Variants in MYOM1 observed in about 807,000 individuals in gnomAD.
MYOM1 encodes the protein myomesin-1.
In MYOM1, 164 loss-of-function variants were observed where a neutral mutation model predicts 205.3. The observed-to-expected ratio is 0.80, with a 90% CI of 0.70 to 0.91. The LOEUF is 0.91. Ranked by LOEUF, MYOM1 falls within the 40% of genes least tolerant of loss-of-function variation. The pLI is 0.00. For missense variants in MYOM1, 2,011 were observed against 2,127.3 expected (o/e 0.95, Z 1.08); for synonymous variants, 772 against 789.4 (o/e 0.98, Z 0.37).
chr18:3,114,545 T>A (rs2079576063), intron 21 of MYOM1, among the ~76,000 whole-genome samples: 1 of 6,476 alleles, frequency 1.5e-4, no homozygotes, highest in African/African-American at 3.0e-4. Context: ...GGTCAGCTAA[T>A]TTTTTTTTTT....
In MYOM1 at chr18:3,129,460, C is replaced by G; in HGVS notation, c.2566G>C (p.Ala856Pro). The G allele has an allele frequency of 6.2e-7, 1 of 1,613,930 alleles. No individual in the cohort carries two copies. The highest frequency in any genetic ancestry group is 1.3e-5 in the African/African-American group (1 of 75,042). ...GCTTCATGCACGCGCCCCCTGGAGGCGGTTAGTCCACCAGGCTCATCGCTC... is the reference window on the plus strand; with the variant it reads ...GCTTCATGCACGCGCCCCCTGGAGGGGGTTAGTCCACCAGGCTCATCGCTC... The part of the protein sequence containing the change: ...ALSDEPGGLT[A>P]SRGRVHEASP... The change falls in exon 18 of 38, where the codon GCC (alanine) becomes CCC (proline). Residue 856 changes from alanine to proline, a missense_variant. Coordinates refer to ENST00000356443, the MANE Select transcript of MYOM1 (RefSeq NM_003803.4).
At chr18:3,083,943 C>G in intron 32 of MYOM1, 46 bp downstream of exon 32, 1 of 1,580,318 alleles carries the variant, frequency 6.3e-7, no homozygotes, top group South Asian at 1.2e-5. Context: ...CCCCTCCTGG[C>G]AGGAGGATCA....
At chr18:3,067,820 C>T (rs1314598304) in intron 37 of MYOM1, among the ~76,000 whole-genome samples, 2 of 152,170 alleles carry the variant, frequency 1.3e-5, no homozygotes, top group African/African-American at 4.8e-5. Context: ...ATCAAAAACA[C>T]ACGAAAGAGT....
chr18:3,137,195 C>T (rs1379203901), intron 14 of MYOM1, among the ~76,000 whole-genome samples: 4 of 152,078 alleles, frequency 2.6e-5, no homozygotes. Context: ...GTGATCCGCC[C>T]ACCTCAGCCT....
chr18:3,142,598 A>G (rs74876245), intron 13 of MYOM1, among the ~76,000 whole-genome samples: 19 of 151,808 alleles, frequency 1.3e-4, no homozygotes, highest in East Asian at 3.9e-4. Flanking sequence ...TATAGAGCTA[A>G]GAATCTAGGA....
Position 3,173,956 on chromosome 18 carries a change from A to G in MYOM1, c.1156T>C (p.Ser386Pro), listed in dbSNP as rs1488291784. 3.1e-6 allele frequency: 5 copies of G among 1,613,602 alleles called. No homozygotes were observed. In the African/African-American group the frequency reaches 6.7e-5, roughly 22 times the overall value. The change falls in exon 8 of 38, where the codon TCC becomes CCC. Residue 386 changes from serine to proline, a missense_variant. By Grantham distance (74) the Ser-to-Pro change is moderately conservative. Coordinates refer to ENST00000356443, the MANE Select transcript of MYOM1 (RefSeq NM_003803.4). The part of the protein sequence containing the change: ...FDETRFHAGA[S>P]TMPLSFGVTP... The stretch of plus-strand genomic sequence containing the variant: ...AACTTACAGCTGAGGGGCATGGTGG[A>G]AGCCCCAGCGTGGAAGCGAGTCTCA...
chr18:3,133,923 T>C (rs1425005209), intron 16 of MYOM1, among the ~76,000 whole-genome samples: 1 of 152,218 alleles, frequency 6.6e-6, no homozygotes, highest in Non-Finnish European at 1.5e-5. Context: ...AGTACAGTGT[T>C]GTGATCATAG....
intron 19 of MYOM1, among the ~76,000 whole-genome samples, chr18:3,125,278 T>C (rs2079762415): frequency 6.6e-6 from 1 of 152,144 alleles, no homozygotes; most frequent in Non-Finnish European, 1.5e-5. Context: ...AGCAGATAGA[T>C]GTATACAAAA....
At chr18:3,226,014 G>A in the MYOM1 span, among the ~76,000 whole-genome samples, 2 of 152,184 alleles carry the variant, frequency 1.3e-5, no homozygotes, top group Non-Finnish European at 1.5e-5. The surrounding 1 kb of genome is among the most constrained non-coding windows in gnomAD (Gnocchi z 4.6). Flanking sequence ...CTTGCACTTC[G>A]AGAAGAGAGA....
upstream of MYOM1, among the ~76,000 whole-genome samples, chr18:3,220,337 T>C (rs1233733229): frequency 6.6e-6 from 1 of 152,150 alleles, no homozygotes; most frequent in East Asian, 1.9e-4. Context: ...GTACGGTACA[T>C]TTAAAAGATA....
At chr18:3,151,332 TATA>T (rs2080217640) in intron 12 of MYOM1, among the ~76,000 whole-genome samples, 1 of 151,870 alleles carries the variant, frequency 6.6e-6, no homozygotes, top group Non-Finnish European at 1.5e-5. Flanking sequence ...TTTTGGAATG[TATA>T]ATAACAGGAA....
chr18:3,137,322 G>T (rs2079985653), intron 14 of MYOM1, among the ~76,000 whole-genome samples: 1 of 152,030 alleles, frequency 6.6e-6, no homozygotes, highest in Non-Finnish European at 1.5e-5. Flanking sequence ...CCACTGCTGG[G>T]TATCTATCCA....
chr18:3,224,107 C>T (rs898605542), upstream of MYOM1, among the ~76,000 whole-genome samples: 1 of 151,388 alleles, frequency 6.6e-6, no homozygotes, highest in South Asian at 2.1e-4. Context: ...CAGCTCACTG[C>T]AACCTCCACC....
chr18:3,169,408 C>T (rs1224701774), intron 8 of MYOM1, among the ~76,000 whole-genome samples: 1 of 152,150 alleles, frequency 6.6e-6, no homozygotes, highest in Admixed American at 6.6e-5. Context: ...CGTTTTTCAT[C>T]TGACAAGGGA....
intron 2 of MYOM1, among the ~76,000 whole-genome samples, chr18:3,201,592 G>A (rs191913796): frequency 6.0e-5 from 9 of 150,450 alleles, no homozygotes; most frequent in South Asian, 4.2e-4. Context: ...AAATTTATAC[G>A]TATATAAGCT....
intron 13 of MYOM1, among the ~76,000 whole-genome samples, 153 bp from the exon 14 acceptor site, chr18:3,142,216 A>T (rs943278597): frequency 2.0e-5 from 3 of 152,026 alleles, no homozygotes; most frequent in Non-Finnish European, 4.4e-5. Context: ...CCAAAACATC[A>T]TTCATTCATT....
At chr18:3,221,829 A>G (rs1341261571), upstream of MYOM1, among the ~76,000 whole-genome samples, 1 of 152,210 alleles carries the variant, frequency 6.6e-6, no homozygotes, top group Non-Finnish European at 1.5e-5. Context: ...GCATGTGGAC[A>G]TTTTAGCTAT....
chr18:3,232,795 A>G, the MYOM1 span, among the ~76,000 whole-genome samples: 3 of 151,820 alleles, frequency 2.0e-5, no homozygotes, highest in Non-Finnish European at 2.9e-5. Flanking sequence ...TTCAGTTTTA[A>G]TAATCTATTT....
At chr18:3,079,363 T>G in intron 33 of MYOM1, 21 bp from the exon 34 acceptor site, 2 of 1,594,596 alleles carry the variant, frequency 1.3e-6, no homozygotes, top group Non-Finnish European at 1.7e-6. Flanking sequence ...CGAAGAAAAC[T>G]TCCTTAGCAT....
Sources: allele counts gnomAD v4.1 joint callset (sites outside exome capture counted in the v4.1 genomes callset), GRCh38; gene constraint gnomAD v4.1.1; non-coding constraint Gnocchi (gnomAD v3.1); transcripts MANE v1.5; gene names NCBI Gene and HGNC (gene_info 2026-07-23, HGNC 2026-07-21).